CTDSPL: variants seen among roughly 807,000 people sequenced by gnomAD.
CTDSPL encodes CTD small phosphatase like, also known as CTD small phosphatase-like protein.
CTDSPL carries 8 observed loss-of-function variants against 30.5 expected under a neutral mutation model. The ratio of observed to expected loss-of-function variants is 0.26; its 90% CI spans 0.15 to 0.47. CTDSPL has a LOEUF of 0.47. Among genes scored for constraint, CTDSPL ranks in the 20% least tolerant of loss-of-function variants. CTDSPL has a pLI of 0.99. For synonymous variants in CTDSPL, 110 were observed against 137.9 expected (o/e 0.80, Z 1.42); for missense variants, 248 against 366.1 (o/e 0.68, Z 2.63).
At chr3:37,921,059 G>T (rs557570339) in intron 1 of CTDSPL, among the ~76,000 whole-genome samples, 106 of 152,288 alleles carry the variant, frequency 7.0e-4, no homozygotes, top group African/African-American at 2.3e-3. Flanking sequence ...GAGAAAGAGG[G>T]GAGTCCAGAG....
At chr3:37,967,741 G>C in intron 4 of CTDSPL, 85 bp from the exon 5 acceptor site, 2 of 942,324 alleles carry the variant, frequency 2.1e-6, no homozygotes, top group Non-Finnish European at 3.3e-6. Flanking sequence ...CAAAACATTG[G>C]TCTAGGCAGG....
intron 7 of CTDSPL, among the ~76,000 whole-genome samples, chr3:37,979,322 G>A (rs1013387805): frequency 2.0e-5 from 3 of 147,538 alleles, no homozygotes; most frequent in African/African-American, 5.1e-5. Flanking sequence ...AAAAAAAAAA[G>A]GCTGGGGTGG....
At chr3:37,940,100 A>T (rs1381229164) in intron 1 of CTDSPL, among the ~76,000 whole-genome samples, 1 of 150,114 alleles carries the variant, frequency 6.7e-6, no homozygotes, top group African/African-American at 2.4e-5. Context: ...TCAAAAAAAA[A>T]AGCTATTTCT....
chr3:37,862,732 G>C lies in CTDSPL; in HGVS notation c.79+454G>C, dbSNP rs77797140. 4.2e-3 allele frequency among the ~76,000 whole-genome samples: 641 copies of C among 152,286 alleles called. 8 individuals are homozygous for C. The highest frequency in any genetic ancestry group is 5.6e-3 in the Non-Finnish European group (383 of 68,030). ...GTTGTGAGTGCTTTTTTTCCTGACA[G>C]GCTGTGAGTTTGTGTTGTGTGTATT... On this transcript the variant is annotated intron_variant, in intron 1 of 7. Transcript: ENST00000273179. The surrounding 1 kb of genome is among the most constrained non-coding windows in gnomAD (Gnocchi z 4.3).
At chr3:37,972,304 C>G (rs1375834436) in intron 6 of CTDSPL, among the ~76,000 whole-genome samples, 2 of 152,134 alleles carry the variant, frequency 1.3e-5, no homozygotes, top group African/African-American at 4.8e-5. Flanking sequence ...CAAGACCAAC[C>G]TGGCCAACAT....
At chr3:37,972,709 G>A (rs1231450572) in intron 6 of CTDSPL, among the ~76,000 whole-genome samples, 6 of 152,208 alleles carry the variant, frequency 3.9e-5, no homozygotes, top group Non-Finnish European at 7.3e-5. Flanking sequence ...TGTGCTGTGT[G>A]GGGCAGGCAG....
At chr3:37,887,437 A>G (rs1698275826) in intron 1 of CTDSPL, among the ~76,000 whole-genome samples, 1 of 152,188 alleles carries the variant, frequency 6.6e-6, no homozygotes, top group African/African-American at 2.4e-5. Context: ...CAGTTTGTAT[A>G]GTGATGAGGG....
chr3:37,863,026 A>T (rs1050820839), intron 1 of CTDSPL, among the ~76,000 whole-genome samples: 3 of 152,224 alleles, frequency 2.0e-5, no homozygotes, highest in Non-Finnish European at 4.4e-5. Context: ...TGTGTATCAG[A>T]CAATGAGGCC....
At chr3:37,933,200 C>T (rs1487929023) in intron 1 of CTDSPL, among the ~76,000 whole-genome samples, 1 of 150,666 alleles carries the variant, frequency 6.6e-6, no homozygotes. Context: ...ATGCTCAGTG[C>T]AGTATTATTT....
chr3:37,935,721 G>C (rs1345458334), intron 1 of CTDSPL, among the ~76,000 whole-genome samples: 2 of 152,154 alleles, frequency 1.3e-5, no homozygotes, highest in Non-Finnish European at 2.9e-5. Context: ...TTATGGGTTT[G>C]TTCTGGAGTA....
intron 1 of CTDSPL, among the ~76,000 whole-genome samples, chr3:37,928,286 C>G (rs1314326220): frequency 2.0e-5 from 3 of 152,192 alleles, no homozygotes; most frequent in Non-Finnish European, 2.9e-5. Context: ...CTACTTTTAA[C>G]TTTTTGCAGA....
At chr3:37,907,641 AG>A (rs1698533539) in intron 1 of CTDSPL, among the ~76,000 whole-genome samples, 1 of 152,238 alleles carries the variant, frequency 6.6e-6, no homozygotes, top group African/African-American at 2.4e-5. Flanking sequence ...CACAGCAGTT[AG>A]GAACTGTACG....
At chr3:37,908,297 A>T (rs535848451) in intron 1 of CTDSPL, among the ~76,000 whole-genome samples, 3 of 152,368 alleles carry the variant, frequency 2.0e-5, no homozygotes, top group African/African-American at 7.2e-5. Flanking sequence ...AAATCTCCTA[A>T]TAGAAAGTGG....
rs1337865497 is a variant in CTDSPL, at chr3:37,862,515, C to G, written c.79+237C>G. ...GGGAGCGAGTGTGTGTGCATCTAAC[C>G]GGGAGGTTGTGAGTTTGTGTGCGCG... On this transcript the variant is annotated intron_variant, in intron 1 of 7. Transcript: ENST00000273179. The surrounding 1 kb of genome is among the most constrained non-coding windows in gnomAD (Gnocchi z 4.3). Among the ~76,000 whole-genome samples the G allele has an allele frequency of 2.6e-5, 4 of 151,972 alleles. No individual in the cohort carries two copies. Among genetic ancestry groups the G allele is most frequent in the South Asian group, 2.1e-4 (1 of 4,816 alleles).
At chr3:37,978,108 C>T (rs930172806) in intron 7 of CTDSPL, among the ~76,000 whole-genome samples, 4 of 152,186 alleles carry the variant, frequency 2.6e-5, no homozygotes, top group African/African-American at 9.7e-5. Context: ...TCATTGTCTA[C>T]ACCCACTATT....
intron 6 of CTDSPL, among the ~76,000 whole-genome samples, chr3:37,972,693 G>A (rs1476552416): frequency 2.0e-5 from 3 of 152,182 alleles, no homozygotes; most frequent in Non-Finnish European, 4.4e-5. Context: ...GGTGTGGCAG[G>A]GTGCCTGTGC....
chr3:37,905,285 G>A (rs1211908208), intron 1 of CTDSPL, among the ~76,000 whole-genome samples: 4 of 152,198 alleles, frequency 2.6e-5, no homozygotes, highest in South Asian at 4.1e-4. Context: ...AGGGGGCAAG[G>A]TTTATAGAAT....
chr3:37,883,206 G>C (rs1698227587), intron 1 of CTDSPL, among the ~76,000 whole-genome samples: 4 of 152,192 alleles, frequency 2.6e-5, no homozygotes, highest in Admixed American at 2.0e-4. Flanking sequence ...AAATCCAGTT[G>C]GACCAAGTGT....
At chr3:37,967,789 C>T in intron 4 of CTDSPL, 37 bp from the exon 5 acceptor site, 1 of 1,466,242 alleles carries the variant, frequency 6.8e-7, no homozygotes, top group African/African-American at 1.4e-5. Context: ...TTTTTTGTTC[C>T]TTCAGACATA....
Sources: gnomAD v4.1 joint callset for allele counts (sites outside exome capture counted in the v4.1 genomes callset) on GRCh38, gnomAD v4.1.1 for gene constraint, Gnocchi (gnomAD v3.1) non-coding constraint, MANE v1.5 for transcripts, NCBI Gene and HGNC (gene_info 2026-07-23, HGNC 2026-07-21) for gene names.